NCK1: variants seen among roughly 807,000 people sequenced by gnomAD.
NCK1 encodes the protein SH2/SH3 adapter protein NCK1.
In NCK1, 19 loss-of-function variants were observed where a neutral mutation model predicts 36.6. The ratio of observed to expected loss-of-function variants is 0.52; its 90% CI spans 0.36 to 0.76. The LOEUF (loss-of-function observed/expected upper bound fraction) is 0.76, where lower values mean the gene tolerates loss of function less well. Ranked by LOEUF, NCK1 falls within the 30% of genes least tolerant of loss-of-function variation. NCK1 has a pLI of 0.00. For synonymous variants in NCK1, 165 were observed against 156.0 expected (o/e 1.06, Z -0.43); for missense variants, 358 against 445.6 (o/e 0.80, Z 1.77).
chr3:136,893,324 A>C (rs538854610), intron 1 of NCK1, among the ~76,000 whole-genome samples: 5 of 137,866 alleles, frequency 3.6e-5, no homozygotes, highest in Non-Finnish European at 7.8e-5. Context: ...CTATTTTTTG[A>C]TTTTTTGATT....
Position 136,945,974 on chromosome 3 carries a change from T to C in NCK1, c.618T>C (p.Asp206=). 6 of 1,614,028 alleles carry C rather than the reference T, an allele frequency of 3.7e-6. No individual in the cohort carries two copies. The highest frequency in any genetic ancestry group is 5.1e-6 in the Non-Finnish European group (6 of 1,180,000). ...QALYPFSSSN[D]EELNFEKGDV... ...TTTACCCATTCAGCTCATCTAATGA[T>C]GAAGAACTTAATTTCGAGAAAGGAG... Residue 206 remains aspartate, a synonymous_variant, in exon 3 of 4, where the codon GAT becomes GAC. Coordinates refer to ENST00000481752, the MANE Select transcript of NCK1 (RefSeq NM_001291999.2).
At chr3:136,923,563 T>TAAATA (rs976448971) in intron 1 of NCK1, among the ~76,000 whole-genome samples, 2 of 148,370 alleles carry the variant, frequency 1.3e-5, no homozygotes, top group African/African-American at 5.1e-5. Context: ...CCGTCTCAAA[T>TAAATA]AAATAAATAA....
At chr3:136,871,788 G>A (rs566247083) in intron 1 of NCK1, among the ~76,000 whole-genome samples, 1 of 152,170 alleles carries the variant, frequency 6.6e-6, no homozygotes, top group Non-Finnish European at 1.5e-5. Flanking sequence ...CCTTTCTCGT[G>A]CTGTTCTTGT....
chr3:136,937,817 CTGTG>C (rs910831473), intron 2 of NCK1, among the ~76,000 whole-genome samples: 2 of 152,002 alleles, frequency 1.3e-5, no homozygotes, highest in Non-Finnish European at 2.9e-5. Context: ...TATTCTCACT[CTGTG>C]TGAGTGTGTG....
chr3:136,940,320 A>G lies in NCK1; in HGVS notation c.227-5263A>G, dbSNP rs138044302. ...GTTTATAGTACTGCTCAAGGCCTCT[A>G]TTTCCTTAATGATTTTTCATTTAGT... On this transcript the variant is annotated intron_variant, in intron 2 of 3. Transcript: ENST00000481752. Among the ~76,000 whole-genome samples, 421 of 152,242 alleles carry G rather than the reference A, an allele frequency of 2.8e-3. 2 individuals carry two copies. The highest frequency in any genetic ancestry group is 8.8e-3 in the African/African-American group (365 of 41,542).
rs543451589 is a variant in NCK1 at position 136,917,352 on chromosome 3, G to A, written c.-18-10632G>A. On this transcript the variant is annotated intron_variant, in intron 1 of 3. Coordinates refer to ENST00000481752, the MANE Select transcript of NCK1 (RefSeq NM_001291999.2). ...GATTGGACACCTCTGTCCATGTTAA[G>A]CCTCATAGATCTTTCTCAGGCCTGG... is the stretch of plus-strand genomic sequence containing the variant. 1.6e-4 allele frequency among the ~76,000 whole-genome samples: 24 copies of A among 151,524 alleles called. No homozygotes were observed. The South Asian group carries it at 5.0e-3, about 32-fold the overall frequency.
At chr3:136,928,507 A>G (rs546396318) in intron 2 of NCK1, 3 of 372,034 alleles carry the variant, frequency 8.1e-6, no homozygotes, top group South Asian at 4.5e-5. Flanking sequence ...TGAACCATGA[A>G]TCACTGTTGG....
At chr3:136,945,549 A>C in intron 2 of NCK1, 34 bp from the exon 3 acceptor site, 30 of 1,319,718 alleles carry the variant, frequency 2.3e-5, no homozygotes, top group African/African-American at 3.0e-5. Flanking sequence ...ATTTTTTTAT[A>C]TTCTCCTCTC....
intron 1 of NCK1, among the ~76,000 whole-genome samples, chr3:136,895,034 C>A (rs1030136196): frequency 6.6e-6 from 1 of 152,130 alleles, no homozygotes. Flanking sequence ...TGCCACCAAG[C>A]CCAGCTAATT....
intron 1 of NCK1, among the ~76,000 whole-genome samples, chr3:136,918,517 C>T (rs1940022381): frequency 6.6e-6 from 1 of 152,270 alleles, no homozygotes; most frequent in Admixed American, 6.5e-5. Flanking sequence ...GAGACTTGAG[C>T]ATCTCTGGAT....
chr3:136,862,785 C>T (rs1488180558), intron 1 of NCK1, among the ~76,000 whole-genome samples: 1 of 152,248 alleles, frequency 6.6e-6, no homozygotes, highest in Non-Finnish European at 1.5e-5. Context: ...GCGCTCTCAC[C>T]TCCAGCCCGA....
intron 1 of NCK1, among the ~76,000 whole-genome samples, chr3:136,867,237 G>A (rs1035457540): frequency 5.0e-5 from 5 of 100,558 alleles, no homozygotes; most frequent in Non-Finnish European, 8.3e-5. Flanking sequence ...CCATCCATCC[G>A]TCTGTCCGTC....
chr3:136,896,702 T>C (rs1456389868), intron 1 of NCK1, among the ~76,000 whole-genome samples: 1 of 152,122 alleles, frequency 6.6e-6, no homozygotes, highest in African/African-American at 2.4e-5. Context: ...GGTCTCACTA[T>C]GTTGCCCAAA....
In NCK1 at chr3:136,944,111, C is replaced by CTTTTTTTTTTTTTTTTTTTTTTTTTTTT. The variant is rs1560055771; in HGVS notation, c.227-1472_227-1471insTTTTTTTTTTTTTTTTTTTTTTTTTTTT. On this transcript the variant is annotated intron_variant, in intron 2 of 3. Coordinates refer to ENST00000481752, the MANE Select transcript of NCK1 (RefSeq NM_001291999.2). ...AAAGTCGAGGGAAAAGGAAAAACAA[C>CTTTTTTTTTTTTTTTTTTTTTTTTTTTT]CTTTTTTTTTTTTTTTTTTTTTTTT... Among the ~76,000 whole-genome samples, 4 of 80,926 alleles carry CTTTTTTTTTTTTTTTTTTTTTTTTTTTT rather than the reference C, an allele frequency of 4.9e-5. 1 individual carries two copies. Among genetic ancestry groups the CTTTTTTTTTTTTTTTTTTTTTTTTTTTT allele is most frequent in the African/African-American group, 1.7e-4 (3 of 17,446 alleles). The allele number at this position is 80,926 out of a possible 152,430, so 53.1% of individuals were successfully genotyped here. A position where few individuals can be genotyped will look rare whatever the true frequency, so the allele number is the denominator to read the frequency against.
chr3:136,927,522 AT>A (rs1940272890), intron 1 of NCK1, among the ~76,000 whole-genome samples: 1 of 151,734 alleles, frequency 6.6e-6, no homozygotes, highest in Non-Finnish European at 1.5e-5. Flanking sequence ...CTCTTTATTG[AT>A]TGGTTGATTG....
intron 1 of NCK1, among the ~76,000 whole-genome samples, chr3:136,903,175 G>C (rs2108102694): frequency 6.6e-6 from 1 of 152,164 alleles, no homozygotes; most frequent in Middle Eastern, 3.4e-3. Flanking sequence ...TCCTCCTCCT[G>C]AATTTTTCCC....
intron 2 of NCK1, chr3:136,930,533 C>T (rs1212250988): frequency 6.9e-7 from 1 of 1,441,468 alleles, no homozygotes; most frequent in South Asian, 1.5e-5. Context: ...TGTTAACAAA[C>T]TGACAGAACA....
rs750575913 is a variant in NCK1 at position 136,932,111 on chromosome 3, T to TC, written c.226+3886dup. ...GCCAGCCTGGGCAACAGAGCGAGACTCCATCTCAAAAAAAAAAAAAAAAAA... is the reference window on the plus strand; with the variant it reads ...GCCAGCCTGGGCAACAGAGCGAGACTCCCATCTCAAAAAAAAAAAAAAAAAA... On this transcript the variant is annotated intron_variant, in intron 2 of 3. Coordinates refer to ENST00000481752, the MANE Select transcript of NCK1 (RefSeq NM_001291999.2). Among the ~76,000 whole-genome samples, 192 of 128,758 alleles carry TC rather than the reference T, an allele frequency of 1.5e-3. 1 individual carries two copies. Among genetic ancestry groups the TC allele is most frequent in the Admixed American group, 3.8e-3 (43 of 11,454 alleles). The allele number at this position is 128,758 out of a possible 152,430, so 84.5% of individuals were successfully genotyped here.
intron 1 of NCK1, among the ~76,000 whole-genome samples, chr3:136,890,000 G>A (rs1487415311): frequency 6.6e-6 from 1 of 152,228 alleles, no homozygotes; most frequent in Non-Finnish European, 1.5e-5. Context: ...CTGTGTGCCC[G>A]CACTCCTGAG....
Sources: allele counts gnomAD v4.1 joint callset (sites outside exome capture counted in the v4.1 genomes callset), GRCh38; gene constraint gnomAD v4.1.1; transcripts MANE v1.5; gene names NCBI Gene and HGNC (gene_info 2026-07-23, HGNC 2026-07-21).